ADGRA3: variants seen among roughly 807,000 people sequenced by gnomAD.
ADGRA3 encodes adhesion G protein-coupled receptor A3, also known as G-protein coupled receptor 125.
In ADGRA3, 56 loss-of-function variants were observed where a neutral mutation model predicts 119.8. The observed-to-expected ratio is 0.47, with a 90% CI of 0.38 to 0.58. The LOEUF is 0.58. Ranked by LOEUF, ADGRA3 falls within the 20% of genes least tolerant of loss-of-function variation. The probability of loss-of-function intolerance (pLI) is 0.00; values close to 1 mark genes in which losing one functional copy is unlikely to be tolerated. For missense variants in ADGRA3, 1,516 were observed against 1,649.0 expected (o/e 0.92, Z 1.40); for synonymous variants, 607 against 623.8 (o/e 0.97, Z 0.40).
Position 22,402,745 on chromosome 4 carries a change from C to T in ADGRA3, c.2287G>A (p.Val763Ile). Reference sequence around the variant, plus strand: ...AGGAGAATGATAGCGGTAGTATAAACCACAGGATGCAGGAGGCTGGCCGCC... The same window carrying T: ...AGGAGAATGATAGCGGTAGTATAAATCACAGGATGCAGGAGGCTGGCCGCC... ...TQAASLLHPVVYTTAIILLLC... is the reference protein window; with the variant it reads ...TQAASLLHPVIYTTAIILLLC... The change falls in exon 15 of 19, where the codon GTT (valine) becomes ATT (isoleucine). Residue 763 changes from valine to isoleucine, a missense_variant. Physicochemically the swap from Val to Ile is conservative, Grantham distance 29 (BLOSUM62 3). Transcript: ENST00000334304. The T allele has an allele frequency of 6.2e-7, 1 of 1,613,868 alleles. No individual in the cohort carries two copies. Among genetic ancestry groups the T allele is most frequent in the Non-Finnish European group, 8.5e-7 (1 of 1,179,836 alleles).
intron 1 of ADGRA3, among the ~76,000 whole-genome samples, chr4:22,498,987 C>A (rs1010802657): frequency 6.6e-6 from 1 of 152,002 alleles, no homozygotes; most frequent in African/African-American, 2.4e-5. Context: ...CCAACACAGG[C>A]ATTAGCCCTA....
chr4:22,505,680 C>T (rs1305053645), intron 1 of ADGRA3, among the ~76,000 whole-genome samples: 1 of 151,316 alleles, frequency 6.6e-6, no homozygotes, highest in South Asian at 2.1e-4. Context: ...TAAAATTCCA[C>T]GGTTATCCCC....
chr4:22,405,405 G>T (rs1714870737), intron 14 of ADGRA3, among the ~76,000 whole-genome samples: 1 of 151,970 alleles, frequency 6.6e-6, no homozygotes, highest in African/African-American at 2.4e-5. Flanking sequence ...CATTAATGGG[G>T]CATGATGGCG....
chr4:22,413,696 T>C lies in ADGRA3; in HGVS notation c.1928A>G (p.Asn643Ser), dbSNP rs1409169570. Residue 643 changes from asparagine to serine, a missense_variant, in exon 13 of 19, where the codon AAT (asparagine) becomes AGT (serine). By Grantham distance (46) the Asn-to-Ser change is conservative (BLOSUM62 1). Coordinates refer to ENST00000334304, the MANE Select transcript of ADGRA3 (RefSeq NM_145290.4). ...TCCAGTGGCTGGAAAAAGCTTTCCA[T>C]TGCGGAATGCAATGAGTTGAAGCTT... ...LYKLQLIAFRNGKLFPATGNS... is the reference protein window; with the variant it reads ...LYKLQLIAFRSGKLFPATGNS... The C allele has an allele frequency of 2.5e-6, 4 of 1,614,016 alleles. No homozygotes were observed. Among genetic ancestry groups the C allele is most frequent in the East Asian group, 4.5e-5 (2 of 44,862 alleles).
chr4:22,390,339 A>T lies in ADGRA3; in HGVS notation c.2628-1156T>A, dbSNP rs1436517283. 2.9e-3 allele frequency among the ~76,000 whole-genome samples: 260 copies of T among 90,148 alleles called. 9 individuals carry two copies. Among genetic ancestry groups the T allele is most frequent in the African/African-American group, 0.016 (254 of 16,128 alleles). 59.1% of individuals were successfully genotyped at this position (90,148 alleles called of 152,430 possible). ...TACTGCTTATATATATATATATATA[A>T]AATACATATTATATATATATAATAC... On this transcript the variant is annotated intron_variant, in intron 17 of 18. Coordinates refer to ENST00000334304, the MANE Select transcript of ADGRA3 (RefSeq NM_145290.4).
At chr4:22,483,516 T>G (rs1190479494) in intron 1 of ADGRA3, among the ~76,000 whole-genome samples, 2 of 152,210 alleles carry the variant, frequency 1.3e-5, no homozygotes, top group African/African-American at 2.4e-5. Flanking sequence ...GTATGTCTAG[T>G]ACTCTTCCTT....
chr4:22,427,178 A>G (rs1477375911), intron 10 of ADGRA3, among the ~76,000 whole-genome samples: 1 of 152,226 alleles, frequency 6.6e-6, no homozygotes, highest in African/African-American at 2.4e-5. Context: ...TATTAATAAA[A>G]TTCCCACTGG....
chr4:22,402,567 T>A, intron 15 of ADGRA3, 108 bp downstream of exon 15: 1 of 1,122,570 alleles, frequency 8.9e-7, no homozygotes, highest in Non-Finnish European at 1.3e-6. Context: ...TCATCCTTAC[T>A]TTGGAAATAC....
In ADGRA3 at chr4:22,450,936, GAAAAA is replaced by G. The variant is rs59216994; in HGVS notation, c.474-3430_474-3426del. 2.4e-3 allele frequency among the ~76,000 whole-genome samples: 302 copies of G among 126,054 alleles called. 2 individuals carry two copies. Among genetic ancestry groups the G allele is most frequent in the East Asian group, 0.013 (58 of 4,362 alleles). 82.7% of individuals were successfully genotyped at this position (126,054 alleles called of 152,430 possible). ...TGTCTATGCATTTCTGGATATAACAGAAAAAAAAAAAAAAAATATATATATATATA... is the reference window on the plus strand; with the variant it reads ...TGTCTATGCATTTCTGGATATAACAGAAAAAAAAAAATATATATATATATA... On this transcript the variant is annotated intron_variant, in intron 4 of 18. Coordinates refer to ENST00000334304, the MANE Select transcript of ADGRA3 (RefSeq NM_145290.4).
chr4:22,440,410 A>C (rs922739993), intron 7 of ADGRA3, among the ~76,000 whole-genome samples: 7 of 152,188 alleles, frequency 4.6e-5, no homozygotes, highest in African/African-American at 1.7e-4. Flanking sequence ...TGGGGAGATC[A>C]ATGAAAAATC....
intron 3 of ADGRA3, chr4:22,455,786 C>T: frequency 3.1e-6 from 4 of 1,282,566 alleles, no homozygotes; most frequent in Non-Finnish European, 4.1e-6. Context: ...GGGAGATAAC[C>T]ACTGACAATA....
At chr4:22,426,086 A>G (rs1715919371) in intron 10 of ADGRA3, among the ~76,000 whole-genome samples, 1 of 152,174 alleles carries the variant, frequency 6.6e-6, no homozygotes, top group Non-Finnish European at 1.5e-5. Flanking sequence ...CACTCAAAAA[A>G]TGTTGGCGCT....
chr4:22,510,009 C>CA (rs545010218), intron 1 of ADGRA3, among the ~76,000 whole-genome samples: 70,597 of 98,640 alleles, frequency 0.72, 24,512 homozygotes, highest in Non-Finnish European at 0.74. Context: ...GACTCCGTCT[C>CA]AAAAAAAAAA....
At chr4:22,474,193 T>A (rs1014898406) in intron 1 of ADGRA3, among the ~76,000 whole-genome samples, 2 of 152,206 alleles carry the variant, frequency 1.3e-5, no homozygotes, top group African/African-American at 4.8e-5. Flanking sequence ...AATACACATT[T>A]TTAAAATGGA....
chr4:22,451,759 G>A (rs1241502484), intron 4 of ADGRA3, among the ~76,000 whole-genome samples: 2 of 152,154 alleles, frequency 1.3e-5, no homozygotes, highest in Admixed American at 6.5e-5. Context: ...AGTTACCAGA[G>A]GAAACGGCTA....
intron 12 of ADGRA3, 159 bp from the exon 13 acceptor site, chr4:22,413,973 G>A (rs1715329805): frequency 5.5e-6 from 3 of 550,456 alleles, no homozygotes; most frequent in Admixed American, 3.5e-5. Flanking sequence ...TCAGTCAAGC[G>A]AAATGTCAAC....
chr4:22,393,531 T>C (rs909302675), intron 16 of ADGRA3: 12 of 152,136 alleles, frequency 7.9e-5, no homozygotes, highest in Admixed American at 7.9e-4. Context: ...AATGAAATTT[T>C]CCTTGATTTT....
chr4:22,419,692 C>T (rs1715570302), intron 12 of ADGRA3, among the ~76,000 whole-genome samples: 1 of 152,170 alleles, frequency 6.6e-6, no homozygotes, highest in Non-Finnish European at 1.5e-5. Context: ...CCTCAAAAAA[C>T]ACACCTTTCT....
At chr4:22,389,784 A>G (rs1714032948) in intron 17 of ADGRA3, among the ~76,000 whole-genome samples, 2 of 152,080 alleles carry the variant, frequency 1.3e-5, no homozygotes, top group African/African-American at 4.8e-5. Context: ...TGATGGTGCA[A>G]TAAAAACTGA....
Sources: allele counts gnomAD v4.1 joint callset (sites outside exome capture counted in the v4.1 genomes callset), GRCh38; gene constraint gnomAD v4.1.1; transcripts MANE v1.5; gene names NCBI Gene and HGNC (gene_info 2026-07-23, HGNC 2026-07-21).